The following XRN1 variants were observed in gnomAD, a reference collection of about 807,000 sequenced individuals.
XRN1 encodes the protein strand-exchange protein 1 homolog.
XRN1 carries 67 observed loss-of-function variants against 222.3 expected under a neutral mutation model. That is an observed-to-expected ratio of 0.30 (90% CI 0.25 to 0.37). XRN1 has a LOEUF of 0.37. Ranked by LOEUF, XRN1 falls within the 10% of genes least tolerant of loss-of-function variation. XRN1 has a pLI of 1.00. For synonymous variants in XRN1, 643 were observed against 652.4 expected, an observed-to-expected ratio of 0.99 and a Z score of 0.22; for missense variants, 1,707 against 2,000.2, an observed-to-expected ratio of 0.85 and a Z score of 2.80.
rs145656572 is a variant in XRN1 at position 142,360,746 on chromosome 3, C to T, written c.3395-815G>A. On this transcript the variant is annotated intron_variant, in intron 29 of 40. Coordinates refer to ENST00000392981, the MANE Select transcript of XRN1 (RefSeq NM_001282857.2). Reference sequence around the variant, plus strand: ...AAAATTAGCCAGGCATGGTGGCAGGCGCCTGTTGTCCCAGCTAGTTGGGAG... The same window carrying T: ...AAAATTAGCCAGGCATGGTGGCAGGTGCCTGTTGTCCCAGCTAGTTGGGAG... Among the ~76,000 whole-genome samples the T allele has an allele frequency of 9.4e-4, 142 of 151,670 alleles. 1 individual carries two copies. Among genetic ancestry groups the T allele is most frequent in the African/African-American group, 1.5e-3 (63 of 41,334 alleles).
At chr3:142,324,356 T>A (rs2065455400) in intron 37 of XRN1, among the ~76,000 whole-genome samples, 1 of 151,460 alleles carries the variant, frequency 6.6e-6, no homozygotes, top group African/African-American at 2.4e-5. Flanking sequence ...TTTGGTTTTT[T>A]GTCCTTGAAA....
chr3:142,324,487 G>A (rs1466520994), intron 37 of XRN1, among the ~76,000 whole-genome samples: 1 of 151,930 alleles, frequency 6.6e-6, no homozygotes, highest in Non-Finnish European at 1.5e-5. Context: ...TCTTAATCCA[G>A]TCTATCGTTG....
chr3:142,440,486 TA>T (rs1559888431), intron 1 of XRN1, among the ~76,000 whole-genome samples: 1 of 151,798 alleles, frequency 6.6e-6, no homozygotes, highest in African/African-American at 2.4e-5. Context: ...CTGGTCAAGT[TA>T]AACTAAAGGA....
chr3:142,418,943 T>C (rs1476502918), intron 10 of XRN1, 62 bp from the exon 11 acceptor site: 27 of 1,476,054 alleles, frequency 1.8e-5, no homozygotes, highest in Non-Finnish European at 2.5e-5. Context: ...AGATGTCATT[T>C]CTCTTCCATG....
chr3:142,373,480 G>T (rs929905634), intron 25 of XRN1, among the ~76,000 whole-genome samples: 4 of 152,062 alleles, frequency 2.6e-5, no homozygotes, highest in Non-Finnish European at 4.4e-5. Flanking sequence ...GGCATCAGTT[G>T]CAAGCCTGAA....
At chr3:142,342,225 T>C (rs1322259330) in intron 33 of XRN1, among the ~76,000 whole-genome samples, 1 of 152,062 alleles carries the variant, frequency 6.6e-6, no homozygotes, top group East Asian at 1.9e-4. Context: ...TAAAACTAAT[T>C]ACCTAGGAAT....
In XRN1 at chr3:142,421,158, A is replaced by G; in HGVS notation, c.1036-5T>C. 6.4e-7 allele frequency: 1 copy of G among 1,564,412 alleles called. No individual in the cohort carries two copies. The highest frequency in any genetic ancestry group is 8.6e-7 in the Non-Finnish European group (1 of 1,161,960). The stretch of plus-strand genomic sequence containing the variant: ...ACTGAAGTGCTCCCGATCAAACTGT[A>G]CAGAAATATTTAAATTTATTTTTAA... On this transcript the variant is annotated splice_polypyrimidine_tract_variant and splice_region_variant and intron_variant, in intron 9 of 40. Coordinates refer to ENST00000392981, the MANE Select transcript of XRN1 (RefSeq NM_001282857.2).
intron 25 of XRN1, among the ~76,000 whole-genome samples, chr3:142,371,747 A>T (rs2066997735): frequency 6.6e-6 from 1 of 152,168 alleles, no homozygotes; most frequent in Non-Finnish European, 1.5e-5. Flanking sequence ...AGAGTGCAGG[A>T]CTTTTCGATA....
intron 39 of XRN1, among the ~76,000 whole-genome samples, chr3:142,317,642 C>T (rs1453499530): frequency 6.6e-6 from 1 of 152,176 alleles, no homozygotes; most frequent in East Asian, 1.9e-4. Context: ...GGTCTGGCTG[C>T]GTCACAGAGG....
Position 142,309,653 on chromosome 3 carries a change from G to A in XRN1, c.*1858C>T, listed in dbSNP as rs2107837090. 1 of 152,344 alleles carries A rather than the reference G, an allele frequency of 6.6e-6. No individual in the cohort carries two copies. The highest frequency in any genetic ancestry group is 2.1e-4 in the South Asian group (1 of 4,830). The allele number at this position is 152,344 out of a possible 1,614,324, so 9.4% of individuals were successfully genotyped here. ...CTTTGGAGTTTTCAGAAGATGGCAG[G>A]TGCCGCTTCTTCTATGCTCTAAAAC... is the stretch of plus-strand genomic sequence containing the variant. On this transcript the variant is annotated 3_prime_UTR_variant, in exon 41 of 41. Transcript: ENST00000392981.
chr3:142,351,578 G>A (rs1043558085), intron 32 of XRN1, among the ~76,000 whole-genome samples: 1 of 152,078 alleles, frequency 6.6e-6, no homozygotes, highest in African/African-American at 2.4e-5. Flanking sequence ...CTAAAAGGAA[G>A]CAATTCTTGC....
At chr3:142,345,124 T>A (rs1050464534) in intron 33 of XRN1, among the ~76,000 whole-genome samples, 1 of 152,112 alleles carries the variant, frequency 6.6e-6, no homozygotes, top group Admixed American at 6.6e-5. Context: ...AAAAATGAGA[T>A]GGTGTCTTAA....
rs2068296402 is a variant in XRN1, at chr3:142,405,171, C to T, written c.1714-95G>A. ...CTTTTTCCTCCATATACAGAATAAC[C>T]ATTTGTGCTCTTGAAAAACAAAAAA... On this transcript the variant is annotated intron_variant, in intron 15 of 40. Transcript: ENST00000392981. 7 of 1,262,888 alleles carry T rather than the reference C, an allele frequency of 5.5e-6. No homozygotes were observed. The South Asian group carries it at 7.2e-5, about 13-fold the overall frequency. 78.2% of individuals were successfully genotyped at this position (1,262,888 alleles called of 1,614,324 possible). A position where few individuals can be genotyped will look rare whatever the true frequency, so the allele number is the denominator to read the frequency against.
chr3:142,333,856 T>C (rs913075076), intron 34 of XRN1, among the ~76,000 whole-genome samples: 7 of 152,246 alleles, frequency 4.6e-5, no homozygotes, highest in Admixed American at 4.6e-4. Context: ...GGATTCTAAC[T>C]GTATTTCAAT....
chr3:142,412,526 A>C lies in XRN1; in HGVS notation c.1713+18T>G, dbSNP rs1267219596. Reference sequence around the variant, plus strand: ...ATTAAGAATGTATGTGTATGTAATGATTATTTCATGCACTGACCTCATCAA... The same window carrying C: ...ATTAAGAATGTATGTGTATGTAATGCTTATTTCATGCACTGACCTCATCAA... On this transcript the variant is annotated intron_variant, in intron 15 of 40. Coordinates refer to ENST00000392981, the MANE Select transcript of XRN1 (RefSeq NM_001282857.2). 1 of 1,568,746 alleles carries C rather than the reference A, an allele frequency of 6.4e-7. No homozygotes were observed. Among genetic ancestry groups the C allele is most frequent in the South Asian group, 1.2e-5 (1 of 83,262 alleles).
chr3:142,319,896 T>C (rs2065304553), intron 37 of XRN1, among the ~76,000 whole-genome samples: 1 of 151,048 alleles, frequency 6.6e-6, no homozygotes, highest in Non-Finnish European at 1.5e-5. Flanking sequence ...TAGTAGTACA[T>C]GGTGTGTGTA....
intron 33 of XRN1, among the ~76,000 whole-genome samples, chr3:142,338,711 G>C (rs570901099): frequency 6.6e-6 from 1 of 152,286 alleles, no homozygotes; most frequent in Admixed American, 6.5e-5. Flanking sequence ...CCTTGGGCCA[G>C]AGGGAACCCC....
chr3:142,341,158 AAG>A (rs2065981927), intron 33 of XRN1, among the ~76,000 whole-genome samples: 3 of 152,194 alleles, frequency 2.0e-5, no homozygotes, highest in Admixed American at 6.5e-5. Flanking sequence ...CAGGAGGATG[AAG>A]TTAAATTATA....
rs1409655247 is a variant in XRN1, at chr3:142,318,667, G to A, written c.4546C>T (p.Pro1516Ser). The A allele has an allele frequency of 1.2e-6, 2 of 1,609,286 alleles. No individual in the cohort carries two copies. Among genetic ancestry groups the A allele is most frequent in the Non-Finnish European group, 1.7e-6 (2 of 1,178,124 alleles). Reference protein sequence around the residue: ...LGSLGMNFPLPSQVFANYPSA... With the variant: ...LGSLGMNFPLSSQVFANYPSA... Reference sequence around the variant, plus strand: ...GGATAATTTGCAAATACTTGTGAAGGCAAAGGGAAATTCATGCCTAAGGAG... The same window carrying A: ...GGATAATTTGCAAATACTTGTGAAGACAAAGGGAAATTCATGCCTAAGGAG... The change falls in exon 39 of 41, where the codon CCT becomes TCT. Residue 1516 changes from proline to serine, a missense_variant. Coordinates refer to ENST00000392981, the MANE Select transcript of XRN1 (RefSeq NM_001282857.2).
Sources: gnomAD v4.1 joint callset for allele counts (sites outside exome capture counted in the v4.1 genomes callset) on GRCh38, gnomAD v4.1.1 for gene constraint, MANE v1.5 for transcripts, NCBI Gene and HGNC (gene_info 2026-07-23, HGNC 2026-07-21) for gene names.